Variants in PTPRC observed in about 807,000 individuals in gnomAD.
PTPRC encodes the protein protein tyrosine phosphatase receptor type C.
Under a neutral mutation model 155.9 loss-of-function variants are expected in PTPRC, and 44 were observed. That is an observed-to-expected ratio of 0.28 (90% CI 0.22 to 0.36). PTPRC has a LOEUF of 0.36. Among genes scored for constraint, PTPRC ranks in the 10% least tolerant of loss-of-function variants. The pLI is 1.00. For missense variants in PTPRC, 1,401 were observed against 1,564.6 expected, an observed-to-expected ratio of 0.90 and a Z score of 1.76; for synonymous variants, 525 against 533.1, an observed-to-expected ratio of 0.98 and a Z score of 0.21.
At chr1:198,676,302 A>G (rs1419033068) in intron 2 of PTPRC, among the ~76,000 whole-genome samples, 3 of 152,230 alleles carry the variant, frequency 2.0e-5, no homozygotes, top group African/African-American at 7.2e-5. Flanking sequence ...GAATCAGCCA[A>G]TCAACAGGAG....
At chr1:198,670,338 A>G (rs1339062052) in intron 2 of PTPRC, among the ~76,000 whole-genome samples, 1 of 152,168 alleles carries the variant, frequency 6.6e-6, no homozygotes, top group Non-Finnish European at 1.5e-5. Flanking sequence ...ACTATATTCA[A>G]CATCCTAAAT....
intron 23 of PTPRC, among the ~76,000 whole-genome samples, chr1:198,739,414 A>T (rs1488586196): frequency 6.8e-6 from 1 of 146,942 alleles, no homozygotes; most frequent in Non-Finnish European, 1.5e-5. Context: ...AAACCTAAAA[A>T]GAGAAGGAGT....
At chr1:198,690,006 C>T (rs1370155070) in intron 2 of PTPRC, among the ~76,000 whole-genome samples, 1 of 152,066 alleles carries the variant, frequency 6.6e-6, no homozygotes, top group African/African-American at 2.4e-5. Context: ...GTTTCTTGAA[C>T]CTAAGTGAAC....
chr1:198,679,701 T>C (rs961007473), intron 2 of PTPRC: 1 of 361,026 alleles, frequency 2.8e-6, no homozygotes, highest in East Asian at 4.4e-5. Flanking sequence ...GCGGTGGAGA[T>C]CTGTGCCCTC....
intron 2 of PTPRC, among the ~76,000 whole-genome samples, chr1:198,648,202 C>A (rs1369546592): frequency 6.6e-6 from 1 of 151,734 alleles, no homozygotes; most frequent in Admixed American, 6.6e-5. Flanking sequence ...AGGTACTAGA[C>A]AATAGTCCTA....
At chr1:198,704,975 A>T (rs1258872912) in intron 8 of PTPRC, among the ~76,000 whole-genome samples, 1 of 152,100 alleles carries the variant, frequency 6.6e-6, no homozygotes, top group Non-Finnish European at 1.5e-5. Context: ...GGGGAGGGGG[A>T]CAAGGATTCA....
At chr1:198,688,001 G>A (rs1485116980) in intron 2 of PTPRC, among the ~76,000 whole-genome samples, 1 of 151,900 alleles carries the variant, frequency 6.6e-6, no homozygotes, top group Non-Finnish European at 1.5e-5. Context: ...GAACAAGCAA[G>A]TTGAGTCTTA....
At chr1:198,699,487 C>T (rs1306212072) in intron 4 of PTPRC, 77 bp from the exon 5 acceptor site, 33 of 1,540,714 alleles carry the variant, frequency 2.1e-5, no homozygotes, top group Non-Finnish European at 3.0e-5. Flanking sequence ...TCGCAATTTG[C>T]TCCTTATAAC....
chr1:198,660,887 GCTAA>G (rs1454068274), intron 2 of PTPRC, among the ~76,000 whole-genome samples: 1 of 152,044 alleles, frequency 6.6e-6, no homozygotes, highest in African/African-American at 2.4e-5. Context: ...ATGCTTAGCT[GCTAA>G]CTTTCACACC....
intron 14 of PTPRC, among the ~76,000 whole-genome samples, chr1:198,722,175 G>A (rs1379608304): frequency 6.7e-6 from 1 of 150,130 alleles, no homozygotes; most frequent in Admixed American, 6.6e-5. Context: ...TTTAATAATT[G>A]TTTAATAACT....
Position 198,755,988 on chromosome 1 carries a change from A to AAGAT in PTPRC, c.3730_3733dup (p.Lys1245ArgfsTer2). The AAGAT allele has an allele frequency of 6.2e-7, 1 of 1,613,292 alleles. No homozygotes were observed. On this transcript the variant is annotated frameshift_variant, in exon 33 of 33. Coordinates refer to ENST00000442510, the MANE Select transcript of PTPRC (RefSeq NM_002838.5). LOFTEE classifies it low-confidence loss of function (END_TRUNC). ...CAAGTAAAGAAAAACAACCATCAAG[A>AAGAT]AGATAAAATTGAATTTGATAATGAA... is the stretch of plus-strand genomic sequence containing the variant.
At position 198,732,548 on chromosome 1, in the gene PTPRC, T is replaced by C. The variant is rs759033254; in HGVS notation, c.2134T>C (p.Tyr712His). Residue 712 changes from tyrosine (Y) to histidine (H), a missense_variant, in exon 20 of 33, where the codon TAT becomes CAT. Physicochemically the swap from Tyr to His is moderately conservative, Grantham distance 83. Coordinates refer to ENST00000442510, the MANE Select transcript of PTPRC (RefSeq NM_002838.5). ...AGGGTCAAACTACATAAATGCCAGC[T>C]ATATTGATGTGAGTAAAAATTTGCA... ...DAGSNYINAS[Y>H]IDGFKEPRKY... The C allele has an allele frequency of 6.2e-7, 1 of 1,607,280 alleles. No individual in the cohort carries two copies.
At chr1:198,709,884 A>G in intron 11 of PTPRC, 60 bp downstream of exon 11, 1 of 1,579,362 alleles carries the variant, frequency 6.3e-7, no homozygotes, top group South Asian at 1.1e-5. Flanking sequence ...TCTTATAATT[A>G]TTTGAGAATC....
intron 14 of PTPRC, among the ~76,000 whole-genome samples, chr1:198,718,538 A>T (rs1653716572): frequency 6.6e-6 from 1 of 152,318 alleles, no homozygotes; most frequent in South Asian, 2.1e-4. Flanking sequence ...ATATGACTTA[A>T]TTATAGCTAA....
chr1:198,694,206 C>A (rs1318561919), intron 3 of PTPRC: 1 of 1,427,832 alleles, frequency 7.0e-7, no homozygotes, highest in African/African-American at 1.5e-5. Context: ...AAGCAGCCAG[C>A]ACGAGAGAAA....
chr1:198,667,357 A>T (rs1664380315), intron 2 of PTPRC, among the ~76,000 whole-genome samples: 2 of 152,242 alleles, frequency 1.3e-5, no homozygotes, highest in African/African-American at 4.8e-5. Flanking sequence ...TGGAATGTTT[A>T]TCATGTCTTC....
intron 3 of PTPRC, chr1:198,693,116 T>C (rs999488569): frequency 2.1e-6 from 2 of 961,224 alleles, no homozygotes; most frequent in Admixed American, 6.2e-5. Context: ...AATATGGTAA[T>C]GCACAATTCC....
At chr1:198,679,957 T>TA (rs1422363786) in intron 2 of PTPRC, 52 of 625,926 alleles carry the variant, frequency 8.3e-5, no homozygotes, top group Non-Finnish European at 8.6e-5. Flanking sequence ...CGCCCTGGCG[T>TA]AGGCGACATG....
chr1:198,722,963 G>T (rs1246137973), intron 15 of PTPRC, among the ~76,000 whole-genome samples: 1 of 151,622 alleles, frequency 6.6e-6, no homozygotes, highest in African/African-American at 2.4e-5. Context: ...TTTCATCAAA[G>T]TAAAGGTGTA....
Sources: gnomAD v4.1 joint callset for allele counts (sites outside exome capture counted in the v4.1 genomes callset) on GRCh38, gnomAD v4.1.1 for gene constraint, MANE v1.5 for transcripts, NCBI Gene and HGNC (gene_info 2026-07-23, HGNC 2026-07-21) for gene names.